Variants in MTMR9 observed in about 807,000 individuals in gnomAD.
MTMR9 encodes the protein myotubularin-related protein 9.
Under a neutral mutation model 69.5 loss-of-function variants are expected in MTMR9, and 39 were observed. The ratio of observed to expected loss-of-function variants is 0.56; its 90% CI spans 0.43 to 0.73. The LOEUF (loss-of-function observed/expected upper bound fraction) is 0.73. MTMR9 is among the 30% of genes least tolerant of loss of function. The pLI is 0.00. For synonymous variants in MTMR9, 354 were observed against 240.8 expected (o/e 1.47, Z -4.35); for missense variants, 900 against 671.2 (o/e 1.34, Z -3.77).
intron 1 of MTMR9, among the ~76,000 whole-genome samples, chr8:11,294,409 AG>A (rs1799475069): frequency 6.6e-6 from 1 of 151,654 alleles, no homozygotes; most frequent in Non-Finnish European, 1.5e-5. Flanking sequence ...AGGTTGAGGA[AG>A]TTCCCTTCTG....
At chr8:11,331,712 G>A (rs149297938), downstream of MTMR9, 249 of 1,611,954 alleles carry the variant, frequency 1.5e-4, 3 homozygotes, top group Non-Finnish European at 1.8e-4. Context: ...GAGGCCTGGC[G>A]CTGTCCCTGG....
chr8:11,300,131 G>T lies in MTMR9; in HGVS notation c.400G>T (p.Glu134Ter). The change falls in exon 3 of 10, where the codon GAA (glutamate) becomes TAA (stop). Residue 134 changes from glutamate to a stop codon, truncating the protein, a stop_gained. Transcript: ENST00000221086. LOFTEE classifies it high-confidence loss of function. ...WHSFLPEQEF[E>*]LYSSATSEWR... ...TTCCTTCCTTCCTGAGCAAGAATTT[G>T]AACTCTATTCTTCAGCTGTGAGTTA... 6.2e-7 allele frequency: 1 copy of T among 1,613,192 alleles called. No individual in the cohort carries two copies. The highest frequency in any genetic ancestry group is 1.1e-5 in the South Asian group (1 of 91,042).
intron 9 of MTMR9, chr8:11,321,525 A>G: frequency 2.2e-6 from 1 of 456,738 alleles, no homozygotes; most frequent in Non-Finnish European, 4.4e-6. Flanking sequence ...AAGTGATGGG[A>G]TGAAATCCTT....
At chr8:11,333,782 C>G in the MTMR9 span, among the ~76,000 whole-genome samples, 1 of 152,188 alleles carries the variant, frequency 6.6e-6, no homozygotes, top group Non-Finnish European at 1.5e-5. Context: ...GGATGGTAGA[C>G]AGTAACTCAA....
intron 5 of MTMR9, 128 bp downstream of exon 5, chr8:11,306,535 G>A (rs942457274): frequency 3.1e-5 from 24 of 786,248 alleles, no homozygotes; most frequent in Non-Finnish European, 4.8e-5. Context: ...TGATGGGCTA[G>A]CCATCTTCTC....
At chr8:11,303,955 A>G (rs1315228961) in intron 3 of MTMR9, among the ~76,000 whole-genome samples, 1 of 152,228 alleles carries the variant, frequency 6.6e-6, no homozygotes, top group East Asian at 1.9e-4. Flanking sequence ...GTCTGTTAGT[A>G]CGTCTAACAT....
downstream of MTMR9, chr8:11,331,790 G>C (rs779610655): frequency 6.2e-7 from 1 of 1,611,652 alleles, no homozygotes; most frequent in South Asian, 1.1e-5. Context: ...TATCTGGCTT[G>C]GTGGGGCTGC....
intron 1 of MTMR9, among the ~76,000 whole-genome samples, chr8:11,285,763 G>T (rs3808518): frequency 0.36 from 55,137 of 151,646 alleles, 11,283 homozygotes; most frequent in East Asian, 0.7. Context: ...ACTTTCATCT[G>T]CATTCAAAAT....
chr8:11,290,484 C>T (rs972787226), intron 1 of MTMR9, among the ~76,000 whole-genome samples: 4 of 151,866 alleles, frequency 2.6e-5, no homozygotes, highest in African/African-American at 9.7e-5. Flanking sequence ...CAATGTTTTG[C>T]TTTATGGTGT....
the MTMR9 span, among the ~76,000 whole-genome samples, chr8:11,334,322 A>G: frequency 1.3e-5 from 2 of 152,264 alleles, no homozygotes; most frequent in African/African-American, 2.4e-5. Flanking sequence ...CAGGCATAAA[A>G]ATAAATGTTA....
intron 6 of MTMR9, among the ~76,000 whole-genome samples, chr8:11,310,745 CATTAT>C (rs1800163738): frequency 6.6e-6 from 1 of 152,192 alleles, no homozygotes; most frequent in East Asian, 1.9e-4. Context: ...TTTCTCCTTA[CATTAT>C]GAGTACAGAG....
chr8:11,337,977 A>C, the MTMR9 span, among the ~76,000 whole-genome samples: 1 of 152,248 alleles, frequency 6.6e-6, no homozygotes. Flanking sequence ...TAGTTCCCCA[A>C]GGAATTGTTC....
chr8:11,285,369 T>A (rs1265170398), intron 1 of MTMR9: 1 of 291,466 alleles, frequency 3.4e-6, no homozygotes, highest in Non-Finnish European at 6.4e-6. Flanking sequence ...AAATTTCTTC[T>A]TCTTCTTGCC....
intron 5 of MTMR9, among the ~76,000 whole-genome samples, chr8:11,307,805 A>C (rs1383492113): frequency 4.6e-5 from 7 of 152,078 alleles, no homozygotes; most frequent in Admixed American, 4.6e-4. Flanking sequence ...TGAGTGATGC[A>C]GAGCATTTTT....
chr8:11,330,248 A>G (rs556363598), downstream of MTMR9, among the ~76,000 whole-genome samples: 10,635 of 124,504 alleles, frequency 0.085, 597 homozygotes, highest in Admixed American at 0.21. Flanking sequence ...AGGGAGGTGG[A>G]GGGTCAGCCC....
chr8:11,336,622 C>G, the MTMR9 span, among the ~76,000 whole-genome samples: 18 of 152,314 alleles, frequency 1.2e-4, no homozygotes, highest in African/African-American at 3.6e-4. Flanking sequence ...TTGGCCATCT[C>G]CAATGCCAGG....
At chr8:11,295,407 A>T in intron 2 of MTMR9, 105 bp downstream of exon 2, 1 of 741,106 alleles carries the variant, frequency 1.3e-6, no homozygotes, top group Non-Finnish European at 2.3e-6. Context: ...TCTCTGACTC[A>T]AATACTGAAG....
chr8:11,307,691 A>C (rs989940293), intron 5 of MTMR9, among the ~76,000 whole-genome samples: 2 of 152,218 alleles, frequency 1.3e-5, no homozygotes, highest in South Asian at 4.1e-4. Flanking sequence ...CCTTTTGTCC[A>C]TATTCTCAAC....
chr8:11,292,716 G>A (rs1799413355), intron 1 of MTMR9, among the ~76,000 whole-genome samples: 1 of 152,126 alleles, frequency 6.6e-6, no homozygotes, highest in Non-Finnish European at 1.5e-5. Flanking sequence ...TTTTGAGAGT[G>A]TATGTTTGTA....
Sources: allele counts gnomAD v4.1 joint callset (sites outside exome capture counted in the v4.1 genomes callset), GRCh38; gene constraint gnomAD v4.1.1; transcripts MANE v1.5; gene names NCBI Gene and HGNC (gene_info 2026-07-23, HGNC 2026-07-21).